The following NRXN3 variants were observed in gnomAD, a reference collection of about 807,000 sequenced individuals.
NRXN3 encodes the protein neurexin III.
Under a neutral mutation model 137.6 loss-of-function variants are expected in NRXN3, and 32 were observed. The ratio of observed to expected loss-of-function variants is 0.23; its 90% CI spans 0.18 to 0.31. The LOEUF (loss-of-function observed/expected upper bound fraction) is 0.31, where lower values mean the gene tolerates loss of function less well. NRXN3 is among the 10% of genes least tolerant of loss of function. NRXN3 has a pLI of 1.00. For missense variants in NRXN3, 1,574 were observed against 2,062.5 expected (o/e 0.76, Z 4.59); for synonymous variants, 798 against 784.5 (o/e 1.02, Z -0.29).
chr14:79,229,733 C>T (rs2153275534), intron 15 of NRXN3, among the ~76,000 whole-genome samples: 1 of 152,234 alleles, frequency 6.6e-6, no homozygotes, highest in Middle Eastern at 3.4e-3. Context: ...ATATAATTTG[C>T]CAGCTGTCCG....
chr14:79,329,843 G>GTT (rs11338173), intron 15 of NRXN3, among the ~76,000 whole-genome samples: 18 of 142,920 alleles, frequency 1.3e-4, no homozygotes, highest in Admixed American at 2.1e-4. Context: ...GATCAAAAGA[G>GTT]TTTTTTTTTT....
intron 4 of NRXN3, among the ~76,000 whole-genome samples, chr14:78,497,031 A>G (rs2095796466): frequency 6.6e-6 from 1 of 152,020 alleles, no homozygotes; most frequent in Non-Finnish European, 1.5e-5. Context: ...CCAGTTTTCG[A>G]TAAGTTATGC....
At chr14:78,764,180 TTA>T (rs1342831474) in intron 8 of NRXN3, among the ~76,000 whole-genome samples, 7 of 152,188 alleles carry the variant, frequency 4.6e-5, no homozygotes, top group African/African-American at 1.4e-4. Flanking sequence ...TGCATACAAT[TTA>T]CAAACTAGTT....
intron 16 of NRXN3, among the ~76,000 whole-genome samples, chr14:79,505,198 A>C (rs1227023718): frequency 6.6e-6 from 1 of 150,412 alleles, no homozygotes; most frequent in African/African-American, 2.5e-5. Flanking sequence ...CTGGGCAACA[A>C]GAGTGAAACT....
chr14:78,535,290 A>T (rs1050483054), intron 4 of NRXN3, among the ~76,000 whole-genome samples: 3 of 152,168 alleles, frequency 2.0e-5, no homozygotes, highest in Admixed American at 1.3e-4. Context: ...GGAAAGGAAG[A>T]AGTCTGTTGA....
rs558116880 is a variant in NRXN3, at chr14:78,471,958, G to T, written c.758-173162G>T. On this transcript the variant is annotated intron_variant, in intron 4 of 20. Coordinates refer to ENST00000335750, the MANE Select transcript of NRXN3 (RefSeq NM_001330195.2). ...AACCTACCTTTCTGATTTTGGTTAGGAAGGGAAACCAAACTCTGCATCCCT... is the reference window on the plus strand; with the variant it reads ...AACCTACCTTTCTGATTTTGGTTAGTAAGGGAAACCAAACTCTGCATCCCT... Among the ~76,000 whole-genome samples, 17 of 152,330 alleles carry T rather than the reference G, an allele frequency of 1.1e-4. No individual in the cohort carries two copies. In the South Asian group the frequency reaches 3.5e-3, roughly 32 times the overall value.
intron 1 of NRXN3, among the ~76,000 whole-genome samples, chr14:78,197,108 T>G (rs1343253290): frequency 1.3e-5 from 2 of 152,222 alleles, no homozygotes; most frequent in Non-Finnish European, 2.9e-5. Flanking sequence ...TGCTTGTATC[T>G]TCTGTTCTCC....
chr14:79,687,727 A>T (rs1208969179), intron 17 of NRXN3, among the ~76,000 whole-genome samples: 1 of 152,188 alleles, frequency 6.6e-6, no homozygotes, highest in Non-Finnish European at 1.5e-5. Context: ...TACCTGCAAG[A>T]AAGTGCTTTC....
chr14:78,924,914 A>G (rs952091865), intron 10 of NRXN3, among the ~76,000 whole-genome samples: 1 of 152,190 alleles, frequency 6.6e-6, no homozygotes, highest in Non-Finnish European at 1.5e-5. Flanking sequence ...TTGTCAACCT[A>G]CTGAAGAGGA....
At chr14:79,094,234 C>A (rs1258467500) in intron 15 of NRXN3, among the ~76,000 whole-genome samples, 1 of 152,132 alleles carries the variant, frequency 6.6e-6, no homozygotes, top group East Asian at 1.9e-4. Context: ...GTAGAGCTAA[C>A]CCCTGAATTG....
chr14:78,801,433 A>G (rs2098838566), intron 8 of NRXN3, among the ~76,000 whole-genome samples: 1 of 152,226 alleles, frequency 6.6e-6, no homozygotes, highest in Non-Finnish European at 1.5e-5. Context: ...TCTGATGGAA[A>G]GGGAAGCTGG....
At chr14:79,142,266 A>G (rs1381832080) in intron 15 of NRXN3, among the ~76,000 whole-genome samples, 2 of 152,084 alleles carry the variant, frequency 1.3e-5, no homozygotes, top group Non-Finnish European at 2.9e-5. Context: ...TCTCTACTAA[A>G]AATACAAAAA....
At position 79,433,511 on chromosome 14, in the gene NRXN3, G is replaced by GC. The variant is rs564673847; in HGVS notation, c.3263-33710_3263-33709insC. Among the ~76,000 whole-genome samples, 4 of 152,248 alleles carry GC rather than the reference G, an allele frequency of 2.6e-5. No homozygotes were observed. In the South Asian group the frequency reaches 8.3e-4, roughly 32 times the overall value. On this transcript the variant is annotated intron_variant, in intron 15 of 20. Coordinates refer to ENST00000335750, the MANE Select transcript of NRXN3 (RefSeq NM_001330195.2). ...TTGTTATGTCTCCAGACTCACACTAGTTTTTTAAAAAAAATACTTAGGTAA... is the reference window on the plus strand; with the variant it reads ...TTGTTATGTCTCCAGACTCACACTAGCTTTTTTAAAAAAAATACTTAGGTAA...
intron 15 of NRXN3, among the ~76,000 whole-genome samples, chr14:79,036,787 G>C (rs2099616824): frequency 6.6e-6 from 1 of 151,532 alleles, no homozygotes; most frequent in Non-Finnish European, 1.5e-5. Flanking sequence ...GAGGTGTATG[G>C]GGGAAAGGCA....
intron 15 of NRXN3, among the ~76,000 whole-genome samples, chr14:79,256,040 G>A (rs931173085): frequency 1.3e-5 from 2 of 152,086 alleles, no homozygotes; most frequent in African/African-American, 2.4e-5. Context: ...TTGCTTCAGG[G>A]TGAATACTGT....
intron 19 of NRXN3, among the ~76,000 whole-genome samples, chr14:79,744,082 G>C (rs1178758662): frequency 6.6e-6 from 1 of 152,118 alleles, no homozygotes; most frequent in Non-Finnish European, 1.5e-5. Context: ...CTAATGCATA[G>C]ATTGGTAAAT....
intron 4 of NRXN3, among the ~76,000 whole-genome samples, chr14:78,401,756 C>T (rs1407438220): frequency 6.6e-6 from 1 of 152,182 alleles, no homozygotes; most frequent in Non-Finnish European, 1.5e-5. Context: ...GCTGGCTGGC[C>T]CACATAAGGA....
intron 1 of NRXN3, among the ~76,000 whole-genome samples, chr14:78,200,696 A>G (rs2061596909): frequency 1.3e-5 from 2 of 152,346 alleles, no homozygotes; most frequent in Middle Eastern, 3.4e-3. Flanking sequence ...TATATAATTA[A>G]AAGTGTGCTT....
At chr14:79,360,087 T>C (rs959797258) in intron 15 of NRXN3, among the ~76,000 whole-genome samples, 2 of 152,226 alleles carry the variant, frequency 1.3e-5, no homozygotes, top group African/African-American at 4.8e-5. Flanking sequence ...GCTGCAAACA[T>C]ATGTAGTTAT....
Sources: gnomAD v4.1 joint callset for allele counts (sites outside exome capture counted in the v4.1 genomes callset) on GRCh38, gnomAD v4.1.1 for gene constraint, MANE v1.5 for transcripts, NCBI Gene and HGNC (gene_info 2026-07-23, HGNC 2026-07-21) for gene names.